Variants in CFAP299 observed in about 807,000 individuals in gnomAD.
The protein encoded by CFAP299 is cilia and flagella associated protein 299, also known as cilia- and flagella-associated protein 299.
Under a neutral mutation model 27.0 loss-of-function variants are expected in CFAP299, and 21 were observed. That is an observed-to-expected ratio of 0.78 (90% CI 0.55 to 1.12). CFAP299 has a LOEUF of 1.12. Ranked by LOEUF, CFAP299 falls within the 50% of genes most tolerant of loss-of-function variation. The pLI, the probability that CFAP299 is intolerant of heterozygous loss-of-function variation, is 0.00. For synonymous variants in CFAP299, 104 were observed against 98.1 expected, an observed-to-expected ratio of 1.06 and a Z score of -0.36; for missense variants, 310 against 276.6, an observed-to-expected ratio of 1.12 and a Z score of -0.86.
intron 2 of CFAP299, among the ~76,000 whole-genome samples, chr4:80,492,055 T>C (rs181125592): frequency 6.2e-4 from 95 of 152,350 alleles, no homozygotes; most frequent in African/African-American, 2.1e-3. Flanking sequence ...TCTTAACCGT[T>C]TTTGTCTATC....
At chr4:80,604,460 C>T (rs919685704) in intron 3 of CFAP299, among the ~76,000 whole-genome samples, 4 of 152,136 alleles carry the variant, frequency 2.6e-5, no homozygotes, top group Non-Finnish European at 5.9e-5. Context: ...GATGTCTTGA[C>T]AGAATTGATG....
chr4:80,751,224 C>T (rs1373643504), intron 3 of CFAP299, among the ~76,000 whole-genome samples: 2 of 152,144 alleles, frequency 1.3e-5, no homozygotes, highest in Non-Finnish European at 2.9e-5. Context: ...CCAGGGCCTA[C>T]TGACCAGTTG....
At chr4:80,645,063 A>G (rs751079554) in intron 3 of CFAP299, among the ~76,000 whole-genome samples, 1 of 151,998 alleles carries the variant, frequency 6.6e-6, no homozygotes, top group Non-Finnish European at 1.5e-5. Context: ...TGAGTTTCAG[A>G]GTACCTTACT....
At chr4:80,590,644 C>G in intron 3 of CFAP299, among the ~76,000 whole-genome samples, 1 of 152,088 alleles carries the variant, frequency 6.6e-6, no homozygotes, top group Non-Finnish European at 1.5e-5. Flanking sequence ...TCTCAGAAAA[C>G]AAAACAAAAC....
intron 4 of CFAP299, among the ~76,000 whole-genome samples, chr4:80,937,949 T>C (rs1045505575): frequency 2.6e-5 from 4 of 152,188 alleles, no homozygotes; most frequent in Non-Finnish European, 5.9e-5. Context: ...AAACATCTTA[T>C]AGTTATGACA....
At chr4:80,937,308 C>CTTT (rs1736948672) in intron 4 of CFAP299, among the ~76,000 whole-genome samples, 4 of 90,806 alleles carry the variant, frequency 4.4e-5, no homozygotes, top group Admixed American at 1.1e-4. Context: ...CTTTTTTTTT[C>CTTT]TTTCTTTTTT....
At chr4:80,430,428 A>G (rs1256309623) in intron 2 of CFAP299, among the ~76,000 whole-genome samples, 1 of 152,042 alleles carries the variant, frequency 6.6e-6, no homozygotes, top group African/African-American at 2.4e-5. Context: ...TTCGTTCTCA[A>G]TTTCCTTTGC....
At chr4:80,406,940 T>C (rs1262563835) in intron 2 of CFAP299, among the ~76,000 whole-genome samples, 1 of 152,144 alleles carries the variant, frequency 6.6e-6, no homozygotes, top group Non-Finnish European at 1.5e-5. Context: ...TAGGGCGCTG[T>C]ATGTTTCCAA....
At chr4:80,455,037 A>C (rs1342355395) in intron 2 of CFAP299, among the ~76,000 whole-genome samples, 3 of 152,126 alleles carry the variant, frequency 2.0e-5, no homozygotes, top group Admixed American at 6.6e-5. Flanking sequence ...AAAATATCGT[A>C]AGCACCAATT....
chr4:80,602,663 G>T (rs1350896698), intron 3 of CFAP299, among the ~76,000 whole-genome samples: 2 of 151,928 alleles, frequency 1.3e-5, no homozygotes, highest in African/African-American at 4.8e-5. Context: ...TCCTTCCTTG[G>T]TTGCTTAGTA....
chr4:80,365,845 G>A (rs1399358700), intron 2 of CFAP299, among the ~76,000 whole-genome samples: 1 of 152,188 alleles, frequency 6.6e-6, no homozygotes, highest in African/African-American at 2.4e-5. Flanking sequence ...GACATCACAT[G>A]TCCATTTTGT....
rs539347374 is a variant in CFAP299, at chr4:80,640,443, C to G, written c.333+57260C>G. Among the ~76,000 whole-genome samples the G allele has an allele frequency of 5.6e-4, 85 of 152,242 alleles. 1 individual carries two copies. Among genetic ancestry groups the G allele is most frequent in the African/African-American group, 1.9e-3 (78 of 41,554 alleles). ...TTTGTTTAGGTATATATCCCTCAGG[C>G]AAAGTAATCCAATCTCAAGCTCTGA... On this transcript the variant is annotated intron_variant, in intron 3 of 5. Coordinates refer to ENST00000358105, the MANE Select transcript of CFAP299 (RefSeq NM_152770.3).
chr4:80,696,473 CAAAT>C lies in CFAP299; in HGVS notation c.333+113293_333+113296del, dbSNP rs1018536138. Among the ~76,000 whole-genome samples the C allele has an allele frequency of 8.4e-4, 128 of 151,484 alleles. 1 individual carries two copies. Among genetic ancestry groups the C allele is most frequent in the African/African-American group, 3.0e-3 (125 of 41,278 alleles). On this transcript the variant is annotated intron_variant, in intron 3 of 5. Transcript: ENST00000358105. The stretch of plus-strand genomic sequence containing the variant: ...CCTTTTAAAAGTGATAGATGGCAAT[CAAAT>C]AACAATAAGAGACAGAAAAACAAAT...
chr4:80,752,063 C>G (rs568862915), intron 3 of CFAP299, among the ~76,000 whole-genome samples: 7 of 152,096 alleles, frequency 4.6e-5, no homozygotes, highest in Non-Finnish European at 1.0e-4. Flanking sequence ...ACAAGGGGAT[C>G]TCCTGATCTA....
At chr4:80,745,834 T>C (rs1416886404) in intron 3 of CFAP299, among the ~76,000 whole-genome samples, 2 of 152,084 alleles carry the variant, frequency 1.3e-5, no homozygotes, top group African/African-American at 4.8e-5. Flanking sequence ...TTCTCAGACT[T>C]TCCTTGCTTT....
At chr4:80,713,791 A>G (rs1291886248) in intron 3 of CFAP299, among the ~76,000 whole-genome samples, 2 of 152,202 alleles carry the variant, frequency 1.3e-5, no homozygotes, top group African/African-American at 4.8e-5. Flanking sequence ...CATTTACACA[A>G]AATAATAAAG....
chr4:80,496,341 C>A (rs532335823), intron 2 of CFAP299, among the ~76,000 whole-genome samples: 3 of 152,290 alleles, frequency 2.0e-5, no homozygotes, highest in African/African-American at 7.2e-5. Context: ...CTACCAGATA[C>A]CCTAGGTCAT....
intron 3 of CFAP299, among the ~76,000 whole-genome samples, chr4:80,864,494 A>G (rs148010754): frequency 0.014 from 2,099 of 147,518 alleles, 49 homozygotes; most frequent in African/African-American, 0.049. Context: ...ATATACACAT[A>G]TATATACATA....
intron 2 of CFAP299, among the ~76,000 whole-genome samples, chr4:80,518,528 A>T (rs1479386934): frequency 6.6e-6 from 1 of 152,224 alleles, no homozygotes; most frequent in Admixed American, 6.5e-5. Flanking sequence ...AGGTGCTCAG[A>T]ATGCAGGTCA....
Sources: allele counts gnomAD v4.1 joint callset (sites outside exome capture counted in the v4.1 genomes callset), GRCh38; gene constraint gnomAD v4.1.1; transcripts MANE v1.5; gene names NCBI Gene and HGNC (gene_info 2026-07-23, HGNC 2026-07-21).